The following DOCK8 variants were observed in gnomAD, a reference collection of about 807,000 sequenced individuals.
The protein encoded by DOCK8 is dedicator of cytokinesis protein 8.
A neutral mutation model predicts 245.6 loss-of-function variants in DOCK8; 141 were observed. The ratio of observed to expected loss-of-function variants is 0.57; its 90% CI spans 0.50 to 0.66. DOCK8 has a LOEUF of 0.66. Ranked by LOEUF, DOCK8 falls within the 30% of genes least tolerant of loss-of-function variation. The pLI is 0.00. For synonymous variants in DOCK8, 1,168 were observed against 970.2 expected (o/e 1.20, Z -3.79); for missense variants, 2,965 against 2,603.4 (o/e 1.14, Z -3.02).
At chr9:245,815 T>C (rs764825382) in intron 1 of DOCK8, among the ~76,000 whole-genome samples, 2 of 152,204 alleles carry the variant, frequency 1.3e-5, no homozygotes, top group African/African-American at 2.4e-5. Context: ...ACCAAGAACT[T>C]GGGCAGCACC....
chr9:278,844 T>A (rs147417121), intron 2 of DOCK8, among the ~76,000 whole-genome samples: 3 of 152,326 alleles, frequency 2.0e-5, no homozygotes, highest in African/African-American at 7.2e-5. Context: ...CCTCAGAGAC[T>A]GTAGAACATT....
At chr9:274,613 A>G (rs1333271361) in intron 2 of DOCK8, among the ~76,000 whole-genome samples, 3 of 151,938 alleles carry the variant, frequency 2.0e-5, no homozygotes, top group Admixed American at 6.6e-5. Context: ...TCCCGAATGA[A>G]GGTTCCCCAA....
intron 6 of DOCK8, among the ~76,000 whole-genome samples, chr9:316,294 A>G (rs1388864986): frequency 6.6e-6 from 1 of 151,834 alleles, no homozygotes; most frequent in African/African-American, 2.4e-5. Context: ...GTTTTCAAGG[A>G]TTTGCACTAC....
In DOCK8 at chr9:423,082, G is replaced by A. The variant is rs576313916; in HGVS notation, c.4241+947G>A. ...GAAATTTACCAAAATATTAATTGCG[G>A]TTTTCTTTGGGTGCTGGGAATATCG... On this transcript the variant is annotated intron_variant, in intron 33 of 47. Coordinates refer to ENST00000432829, the MANE Select transcript of DOCK8 (RefSeq NM_203447.4). Among the ~76,000 whole-genome samples the A allele has an allele frequency of 2.6e-5, 4 of 151,884 alleles. No individual in the cohort carries two copies. The South Asian group carries it at 8.3e-4, about 32-fold the overall frequency.
At chr9:451,820 G>A (rs1246293615) in intron 45 of DOCK8, among the ~76,000 whole-genome samples, 191 bp from the exon 46 acceptor site, 2 of 148,996 alleles carry the variant, frequency 1.3e-5, no homozygotes, top group African/African-American at 4.9e-5. Context: ...TTTCTCCCAA[G>A]CAATTTAATT....
At position 379,920 on chromosome 9, in the gene DOCK8, G is replaced by A. The variant is rs746815514; in HGVS notation, c.2590G>A (p.Asp864Asn). ...CTTCCGCCTGCCAGAGGTGCAAAGGGATGTGCCCAAGTCAGGTAGAGTTGC... is the reference window on the plus strand; with the variant it reads ...CTTCCGCCTGCCAGAGGTGCAAAGGAATGTGCCCAAGTCAGGTAGAGTTGC... ...YVFRLPEVQR[D>N]VPKSGAPTAL... Residue 864 changes from aspartate to asparagine, a missense_variant, in exon 21 of 48, where the codon GAT (aspartate) becomes AAT (asparagine). Transcript: ENST00000432829. 5 of 1,613,906 alleles carry A rather than the reference G, an allele frequency of 3.1e-6. No homozygotes were observed. In the African/African-American group the frequency reaches 4.0e-5, roughly 13 times the overall value.
intron 46 of DOCK8, 107 bp downstream of exon 46, chr9:452,224 C>G: frequency 1.4e-6 from 1 of 731,206 alleles, no homozygotes; most frequent in Non-Finnish European, 2.4e-6. Context: ...AAGACAAAGT[C>G]TCAGGCACCC....
intron 1 of DOCK8, among the ~76,000 whole-genome samples, chr9:241,729 T>C (rs955940742): frequency 6.6e-6 from 1 of 152,214 alleles, no homozygotes; most frequent in Non-Finnish European, 1.5e-5. Context: ...TTCCTTTGGA[T>C]AAATTCCCAG....
chr9:388,167 T>C (rs10814626), intron 23 of DOCK8, among the ~76,000 whole-genome samples: 53,440 of 151,994 alleles, frequency 0.35, 11,052 homozygotes, highest in African/African-American at 0.58. Context: ...ATGTCTTTCC[T>C]ACAATGAGAA....
intron 1 of DOCK8, among the ~76,000 whole-genome samples, chr9:245,112 C>T (rs1367113885): frequency 3.9e-5 from 6 of 152,242 alleles, no homozygotes; most frequent in East Asian, 3.9e-4. Context: ...TAAGGTCTCA[C>T]ACTCACTCCA....
At chr9:447,405 C>G (rs1030228290) in intron 44 of DOCK8, among the ~76,000 whole-genome samples, 3 of 152,110 alleles carry the variant, frequency 2.0e-5, no homozygotes, top group Non-Finnish European at 4.4e-5. Flanking sequence ...ACCCGTAGTG[C>G]TTTGTCCATG....
At chr9:455,131 T>C (rs2057595114) in intron 46 of DOCK8, among the ~76,000 whole-genome samples, 1 of 152,192 alleles carries the variant, frequency 6.6e-6, no homozygotes, top group Non-Finnish European at 1.5e-5. Context: ...TGCATTGTTC[T>C]AGGAGGCCAG....
intron 21 of DOCK8, chr9:381,227 C>T (rs1425951183): frequency 6.6e-6 from 1 of 152,184 alleles, no homozygotes; most frequent in Non-Finnish European, 1.5e-5. Flanking sequence ...CTCCTTGCCT[C>T]TTTTTATGCT....
intron 14 of DOCK8, among the ~76,000 whole-genome samples, chr9:348,445 G>A (rs910189493): frequency 6.6e-6 from 1 of 152,062 alleles, no homozygotes; most frequent in South Asian, 2.1e-4. Flanking sequence ...CATATAGAAC[G>A]GTCCTACCTA....
chr9:214,663 A>G, upstream of DOCK8: 2 of 1,601,346 alleles, frequency 1.2e-6, no homozygotes, highest in African/African-American at 2.7e-5. Flanking sequence ...CTTCGGCCGG[A>G]GGTCGGCGGC....
chr9:306,495 A>G (rs916719504), intron 5 of DOCK8, among the ~76,000 whole-genome samples: 1 of 152,328 alleles, frequency 6.6e-6, no homozygotes, highest in Middle Eastern at 3.4e-3. Flanking sequence ...GAAGAAATTT[A>G]ACACAGGGAA....
chr9:292,382 C>A (rs113220405), intron 4 of DOCK8, among the ~76,000 whole-genome samples: 1 of 67,248 alleles, frequency 1.5e-5, no homozygotes. Flanking sequence ...AGTGAAACTC[C>A]GTCTCAAAAA....
At chr9:446,144 C>T (rs183450382) in intron 43 of DOCK8, among the ~76,000 whole-genome samples, 1 of 152,356 alleles carries the variant, frequency 6.6e-6, no homozygotes, top group East Asian at 1.9e-4. Context: ...CGGTGGCCCT[C>T]ACTCTCCCCA....
At chr9:411,564 G>A (rs1295601459) in intron 28 of DOCK8, among the ~76,000 whole-genome samples, 1 of 151,934 alleles carries the variant, frequency 6.6e-6, no homozygotes. Flanking sequence ...CTCTTCCAAC[G>A]AATGGAAGAG....
Sources: gnomAD v4.1 joint callset for allele counts (sites outside exome capture counted in the v4.1 genomes callset) on GRCh38, gnomAD v4.1.1 for gene constraint, MANE v1.5 for transcripts, NCBI Gene and HGNC (gene_info 2026-07-23, HGNC 2026-07-21) for gene names.